The following MARCHF1 variants were observed in gnomAD, a reference collection of about 807,000 sequenced individuals.
The protein encoded by MARCHF1 is E3 ubiquitin-protein ligase MARCHF1.
MARCHF1 carries 40 observed loss-of-function variants against 54.2 expected under a neutral mutation model. The ratio of observed to expected loss-of-function variants is 0.74; its 90% confidence interval spans 0.57 to 0.96. The LOEUF (loss-of-function observed/expected upper bound fraction) is 0.96, where lower values mean the gene tolerates loss of function less well. Among genes scored for constraint, MARCHF1 ranks in the 40% least tolerant of loss-of-function variants. The pLI, the probability that MARCHF1 is intolerant of heterozygous loss-of-function variation, is 0.00. For missense variants in MARCHF1, 586 were observed against 656.5 expected (o/e 0.89, Z 1.17); for synonymous variants, 236 against 236.3 (o/e 1.00, Z 0.01).
chr4:163,880,919 T>C (rs1750401903), intron 3 of MARCHF1, among the ~76,000 whole-genome samples: 1 of 152,192 alleles, frequency 6.6e-6, no homozygotes. Context: ...GGGATTGCGT[T>C]CATACCCATG....
chr4:164,208,009 G>A (rs1264487455), intron 1 of MARCHF1, among the ~76,000 whole-genome samples: 1 of 152,116 alleles, frequency 6.6e-6, no homozygotes, highest in African/African-American at 2.4e-5. Flanking sequence ...CACTGAATGA[G>A]GGATATTTAA....
chr4:164,350,914 C>A (rs907943566), intron 1 of MARCHF1, among the ~76,000 whole-genome samples: 1 of 151,946 alleles, frequency 6.6e-6, no homozygotes, highest in Non-Finnish European at 1.5e-5. Context: ...GTGCACCGGG[C>A]GCGAGCCGAA....
intron 1 of MARCHF1, among the ~76,000 whole-genome samples, chr4:164,140,239 C>A (rs866223785): frequency 6.8e-6 from 1 of 147,384 alleles, no homozygotes; most frequent in East Asian, 2.0e-4. Flanking sequence ...TACACACACA[C>A]TATATATATA....
chr4:164,225,724 A>G (rs748423399), intron 1 of MARCHF1, among the ~76,000 whole-genome samples: 1 of 152,032 alleles, frequency 6.6e-6, no homozygotes, highest in Non-Finnish European at 1.5e-5. Context: ...TGAAACTCTC[A>G]TATATTATTA....
chr4:163,929,540 AT>A (rs991813340), intron 3 of MARCHF1, among the ~76,000 whole-genome samples: 7 of 151,752 alleles, frequency 4.6e-5, no homozygotes, highest in East Asian at 3.9e-4. Flanking sequence ...CCAATTAAGT[AT>A]TTTTTTTCCC....
At chr4:164,304,268 A>G (rs10014655) in intron 1 of MARCHF1, among the ~76,000 whole-genome samples, 13,291 of 152,254 alleles carry the variant, frequency 0.087, 1,890 homozygotes, top group African/African-American at 0.3. Context: ...GGGGAAAAAC[A>G]CAAACTGTGA....
chr4:163,945,798 C>G (rs1752011539), intron 3 of MARCHF1, among the ~76,000 whole-genome samples: 1 of 152,026 alleles, frequency 6.6e-6, no homozygotes, highest in African/African-American at 2.4e-5. Flanking sequence ...GCTTTTTAGT[C>G]AGTTTAAGAA....
intron 3 of MARCHF1, among the ~76,000 whole-genome samples, chr4:163,877,982 C>T (rs116412393): frequency 1.8e-4 from 27 of 152,280 alleles, no homozygotes; most frequent in Admixed American, 3.9e-4. Flanking sequence ...AACAAACACA[C>T]GCTTTCAAAC....
At chr4:163,772,171 C>A (rs1011248834) in intron 4 of MARCHF1, among the ~76,000 whole-genome samples, 1 of 152,020 alleles carries the variant, frequency 6.6e-6, no homozygotes, top group African/African-American at 2.4e-5. Context: ...TAGTACCCAG[C>A]ATATTCAATT....
chr4:163,909,716 C>T (rs1038398948), intron 3 of MARCHF1, among the ~76,000 whole-genome samples: 1 of 152,028 alleles, frequency 6.6e-6, no homozygotes, highest in African/African-American at 2.4e-5. Flanking sequence ...AATTAAAGAA[C>T]CTTAATTTCA....
At chr4:163,921,456 ACT>A (rs1223207885) in intron 3 of MARCHF1, among the ~76,000 whole-genome samples, 1 of 152,186 alleles carries the variant, frequency 6.6e-6, no homozygotes, top group Non-Finnish European at 1.5e-5. Flanking sequence ...TGTGTCATAG[ACT>A]CTAAGAAATT....
intron 3 of MARCHF1, among the ~76,000 whole-genome samples, chr4:163,878,190 AC>A (rs1355275868): frequency 6.6e-6 from 1 of 152,166 alleles, no homozygotes; most frequent in Non-Finnish European, 1.5e-5. Context: ...CTTTCCGAAT[AC>A]CAGCTTCTCT....
At chr4:163,767,157 G>T (rs1235310886) in intron 4 of MARCHF1, among the ~76,000 whole-genome samples, 1 of 147,282 alleles carries the variant, frequency 6.8e-6, no homozygotes, top group Non-Finnish European at 1.5e-5. Context: ...AGGTGTTAGA[G>T]ATCTGCCTGA....
intron 4 of MARCHF1, among the ~76,000 whole-genome samples, chr4:163,744,542 A>T (rs936049000): frequency 6.6e-6 from 1 of 152,194 alleles, no homozygotes; most frequent in Non-Finnish European, 1.5e-5. Flanking sequence ...AAACATACTT[A>T]ATTTGTTGGT....
intron 3 of MARCHF1, among the ~76,000 whole-genome samples, chr4:163,964,415 GT>G (rs1255933090): frequency 6.6e-6 from 1 of 151,622 alleles, no homozygotes; most frequent in Non-Finnish European, 1.5e-5. Flanking sequence ...CGTTATGACA[GT>G]TTTTTTCCAC....
At chr4:163,606,311 C>T (rs17576943) in intron 7 of MARCHF1, among the ~76,000 whole-genome samples, 21,723 of 152,100 alleles carry the variant, frequency 0.14, 2,093 homozygotes, top group Middle Eastern at 0.23. Flanking sequence ...TGCACTGATT[C>T]GGAAGCTGTC....
chr4:163,756,544 A>G (rs1746674001), intron 4 of MARCHF1, among the ~76,000 whole-genome samples: 1 of 150,900 alleles, frequency 6.6e-6, no homozygotes, highest in Admixed American at 6.6e-5. Flanking sequence ...GAGGCAGGAG[A>G]ATCACTTGAA....
chr4:164,013,292 A>T (rs1192656573), intron 2 of MARCHF1, among the ~76,000 whole-genome samples: 2 of 152,202 alleles, frequency 1.3e-5, no homozygotes, highest in Non-Finnish European at 2.9e-5. Flanking sequence ...TGCAGCACTG[A>T]TCAAGCAAGA....
rs59977887 is a variant in MARCHF1, at chr4:164,342,536, T to TA, written c.-323+41333dup. ...ACTTAAAGTATAATAATAATAATAA[T>TA]AAAAAAATATTTAATAGGTTAAAAA... On this transcript the variant is annotated intron_variant, in intron 1 of 9. Transcript: ENST00000514618. 8.8e-5 allele frequency among the ~76,000 whole-genome samples: 13 copies of TA among 148,456 alleles called. No homozygotes were observed. The South Asian group carries it at 2.3e-3, about 26-fold the overall frequency.
Sources: allele counts gnomAD v4.1 joint callset (sites outside exome capture counted in the v4.1 genomes callset), GRCh38; gene constraint gnomAD v4.1.1; transcripts MANE v1.5; gene names NCBI Gene and HGNC (gene_info 2026-07-23, HGNC 2026-07-21).